The following TBCK variants were observed in gnomAD, a reference collection of about 807,000 sequenced individuals.
TBCK encodes the protein TBC domain-containing protein kinase-like protein.
A neutral mutation model predicts 113.4 loss-of-function variants in TBCK; 99 were observed. The ratio of observed to expected loss-of-function variants is 0.87; its 90% CI spans 0.74 to 1.03. The LOEUF (loss-of-function observed/expected upper bound fraction) is 1.03, where lower values mean the gene tolerates loss of function less well. Among genes scored for constraint, TBCK ranks in the 50% least tolerant of loss-of-function variants. The pLI, the probability that TBCK is intolerant of heterozygous loss-of-function variation, is 0.00. For missense variants in TBCK, 1,045 were observed against 1,061.3 expected (o/e 0.98, Z 0.21); for synonymous variants, 369 against 370.8 (o/e 1.00, Z 0.05).
Position 106,043,786 on chromosome 4 carries a change from T to C in TBCK, c.*2784A>G, listed in dbSNP as rs1386206500. On this transcript the variant is annotated 3_prime_UTR_variant, in exon 26 of 26. Coordinates refer to ENST00000394708, the MANE Select transcript of TBCK (RefSeq NM_001163435.3). ...GTATATCTGTGTGGGCTGGTGGTGG[T>C]ACTTATGGCATTCCAGGTAAAGCCA... 1 of 151,948 alleles carries C rather than the reference T, an allele frequency of 6.6e-6. No homozygotes were observed. Among genetic ancestry groups the C allele is most frequent in the Non-Finnish European group, 1.5e-5 (1 of 67,960 alleles). The allele number at this position is 151,948 out of a possible 1,614,324, so 9.4% of individuals were successfully genotyped here.
At chr4:106,213,229 T>TAAA (rs1756376682) in intron 19 of TBCK, 1 of 166,018 alleles carries the variant, frequency 6.0e-6, no homozygotes, top group Non-Finnish European at 1.3e-5. Context: ...ACAAATGGAA[T>TAAA]AATAATGTCT....
chr4:106,056,641 T>C (rs1285903101), intron 25 of TBCK, among the ~76,000 whole-genome samples: 1 of 151,540 alleles, frequency 6.6e-6, no homozygotes, highest in Non-Finnish European at 1.5e-5. Context: ...GTGGTCCTAA[T>C]GCTTCTAGGT....
intron 24 of TBCK, among the ~76,000 whole-genome samples, chr4:106,101,536 C>T (rs1304021147): frequency 2.0e-5 from 3 of 152,116 alleles, no homozygotes; most frequent in Non-Finnish European, 4.4e-5. Flanking sequence ...AAGAGTAATA[C>T]TAGTGTTCAC....
chr4:106,303,674 C>T (rs1419753841), intron 2 of TBCK, among the ~76,000 whole-genome samples: 1 of 152,094 alleles, frequency 6.6e-6, no homozygotes, highest in African/African-American at 2.4e-5. Context: ...ATACCCCACC[C>T]CCTTAACCAT....
intron 24 of TBCK, 137 bp downstream of exon 24, chr4:106,116,066 C>T: frequency 1.4e-6 from 1 of 729,538 alleles, no homozygotes; most frequent in Admixed American, 3.0e-5. Flanking sequence ...ATTCTGGCAT[C>T]CAGTTTGAGA....
intron 22 of TBCK, among the ~76,000 whole-genome samples, chr4:106,177,316 T>C (rs1225519812): frequency 6.6e-6 from 1 of 152,012 alleles, no homozygotes; most frequent in Non-Finnish European, 1.5e-5. Context: ...GATTGTTTCC[T>C]TTGCTGTGAA....
chr4:106,211,516 T>G (rs928538650), intron 20 of TBCK, among the ~76,000 whole-genome samples: 5 of 152,140 alleles, frequency 3.3e-5, no homozygotes, highest in African/African-American at 7.2e-5. Context: ...TAAAACTTAT[T>G]TTAGTTGTAT....
In TBCK at chr4:106,041,958, TATGAG is replaced by T. The variant is rs1355761747; in HGVS notation, c.*4607_*4611del. The T allele has an allele frequency of 2.0e-5, 3 of 152,368 alleles. No individual in the cohort carries two copies. Among genetic ancestry groups the T allele is most frequent in the African/African-American group, 7.2e-5 (3 of 41,592 alleles). 9.4% of individuals were successfully genotyped at this position (152,368 alleles called of 1,614,324 possible). A position where few individuals can be genotyped will look rare whatever the true frequency, so the allele number is the denominator to read the frequency against. Reference sequence around the variant, plus strand: ...ACAATGTGTACTGTTTCTAATATTGTATGAGATAAAACTGGATTACAAAACCTAAA... The same window carrying T: ...ACAATGTGTACTGTTTCTAATATTGTATAAAACTGGATTACAAAACCTAAA... On this transcript the variant is annotated 3_prime_UTR_variant, in exon 26 of 26. Coordinates refer to ENST00000394708, the MANE Select transcript of TBCK (RefSeq NM_001163435.3).
In TBCK at chr4:106,212,800, G is replaced by A. The variant is rs967950866; in HGVS notation, c.1810C>T (p.His604Tyr). 1 of 1,612,446 alleles carries A rather than the reference G, an allele frequency of 6.2e-7. No homozygotes were observed. The highest frequency in any genetic ancestry group is 8.5e-7 in the Non-Finnish European group (1 of 1,179,204). Residue 604 changes from histidine to tyrosine, a missense_variant, in exon 20 of 26, where the codon CAT (histidine) becomes TAT (tyrosine). Coordinates refer to ENST00000394708, the MANE Select transcript of TBCK (RefSeq NM_001163435.3). ...LTVFSQMIAF[H>Y]DPELSNHLNE... Reference sequence around the variant, plus strand: ...AGATGATTACTCAGCTCTGGATCATGAAATGCAATCATCTGAGAGAAGACA... The same window carrying A: ...AGATGATTACTCAGCTCTGGATCATAAAATGCAATCATCTGAGAGAAGACA...
chr4:106,259,466 C>A (rs1158428858), intron 5 of TBCK, among the ~76,000 whole-genome samples: 2 of 151,814 alleles, frequency 1.3e-5, no homozygotes, highest in East Asian at 3.9e-4. Context: ...AATAATACTG[C>A]ATCAAGTTTA....
At chr4:106,302,263 A>G (rs1767024156) in intron 2 of TBCK, among the ~76,000 whole-genome samples, 1 of 152,186 alleles carries the variant, frequency 6.6e-6, no homozygotes, top group Non-Finnish European at 1.5e-5. Context: ...AAACAGCAAT[A>G]TAGTGGACAG....
chr4:106,042,671 C>G lies in TBCK; in HGVS notation c.*3899G>C, dbSNP rs1006444790. On this transcript the variant is annotated 3_prime_UTR_variant, in exon 26 of 26. Transcript: ENST00000394708. ...TATAGAATCCTTTTGATACTAATTC[C>G]CAAAGGAATATTTTTTGGTAACTAT... The G allele has an allele frequency of 6.6e-6, 1 of 152,116 alleles. No individual in the cohort carries two copies. The highest frequency in any genetic ancestry group is 6.6e-5 in the Admixed American group (1 of 15,260). 9.4% of individuals were successfully genotyped at this position (152,116 alleles called of 1,614,324 possible). A position where few individuals can be genotyped will look rare whatever the true frequency, so the allele number is the denominator to read the frequency against.
intron 25 of TBCK, among the ~76,000 whole-genome samples, chr4:106,091,897 T>C (rs575454760): frequency 6.6e-6 from 1 of 152,246 alleles, no homozygotes; most frequent in Non-Finnish European, 1.5e-5. Flanking sequence ...AATTGGTCTG[T>C]TTTACAGAGA....
At chr4:106,074,856 C>T (rs769591235) in intron 25 of TBCK, among the ~76,000 whole-genome samples, 1 of 152,138 alleles carries the variant, frequency 6.6e-6, no homozygotes, top group Non-Finnish European at 1.5e-5. Flanking sequence ...AGAAGTGTTA[C>T]CCTTCAACAG....
intron 3 of TBCK, among the ~76,000 whole-genome samples, chr4:106,286,194 A>T (rs1343928751): frequency 6.6e-6 from 1 of 152,218 alleles, no homozygotes; most frequent in African/African-American, 2.4e-5. Context: ...AAATGGAAAG[A>T]CCTGTTAAGG....
intron 1 of TBCK, among the ~76,000 whole-genome samples, chr4:106,311,544 A>G (rs1000569732): frequency 2.0e-5 from 3 of 152,188 alleles, no homozygotes; most frequent in Admixed American, 2.0e-4. Context: ...AATATATTCA[A>G]TAAGTAAGGG....
chr4:106,216,930 A>G (rs1757011760), intron 19 of TBCK, among the ~76,000 whole-genome samples: 1 of 152,062 alleles, frequency 6.6e-6, no homozygotes, highest in African/African-American at 2.4e-5. Flanking sequence ...AGAATTTTAG[A>G]CCAATATCCT....
At chr4:106,149,442 C>CT (rs1416555747) in intron 23 of TBCK, among the ~76,000 whole-genome samples, 2 of 152,150 alleles carry the variant, frequency 1.3e-5, no homozygotes, top group African/African-American at 2.4e-5. Context: ...CACTTGAACA[C>CT]TTTGAGTCCA....
chr4:106,119,922 T>C (rs1308820994), intron 23 of TBCK, among the ~76,000 whole-genome samples: 1 of 151,982 alleles, frequency 6.6e-6, no homozygotes, highest in Non-Finnish European at 1.5e-5. Context: ...ACACCACTAA[T>C]AAAGAGAGAA....
Sources: allele counts gnomAD v4.1 joint callset (sites outside exome capture counted in the v4.1 genomes callset), GRCh38; gene constraint gnomAD v4.1.1; transcripts MANE v1.5; gene names NCBI Gene and HGNC (gene_info 2026-07-23, HGNC 2026-07-21).